The following TMEM132D variants were observed in gnomAD, a reference collection of about 807,000 sequenced individuals.
The protein encoded by TMEM132D is mature OL transmembrane protein.
A neutral mutation model predicts 62.3 loss-of-function variants in TMEM132D; 21 were observed. That is an observed-to-expected ratio of 0.34 (90% CI 0.24 to 0.49). The LOEUF is 0.49. Among genes scored for constraint, TMEM132D ranks in the 20% least tolerant of loss-of-function variants. The probability of loss-of-function intolerance (pLI) is 0.99; values close to 1 mark genes in which losing one functional copy is unlikely to be tolerated. For synonymous variants in TMEM132D, 621 were observed against 575.6 expected (o/e 1.08, Z -1.13); for missense variants, 1,346 against 1,402.8 (o/e 0.96, Z 0.65).
intron 1 of TMEM132D, among the ~76,000 whole-genome samples, chr12:129,825,154 C>G (rs570204846): frequency 6.6e-6 from 1 of 151,862 alleles, no homozygotes. Context: ...GCTGGGATTA[C>G]AGGCACAGGC....
At chr12:129,301,470 C>T (rs1881712428) in intron 4 of TMEM132D, among the ~76,000 whole-genome samples, 1 of 152,054 alleles carries the variant, frequency 6.6e-6, no homozygotes, top group African/African-American at 2.4e-5. Flanking sequence ...CACCTAGGAA[C>T]TTTAAATGTC....
intron 3 of TMEM132D, 46 bp from the exon 4 acceptor site, chr12:129,337,863 G>T: frequency 6.5e-7 from 1 of 1,538,406 alleles, no homozygotes; most frequent in Non-Finnish European, 8.7e-7. Context: ...GACTGATGAG[G>T]TATGGCACGC....
intron 1 of TMEM132D, among the ~76,000 whole-genome samples, chr12:129,861,253 G>A (rs534889851): frequency 6.6e-6 from 1 of 152,330 alleles, no homozygotes; most frequent in East Asian, 1.9e-4. Flanking sequence ...CATAGAGGAT[G>A]TGATCTAACC....
At chr12:129,283,556 A>G (rs1881216693) in intron 4 of TMEM132D, among the ~76,000 whole-genome samples, 1 of 152,174 alleles carries the variant, frequency 6.6e-6, no homozygotes, top group Admixed American at 6.5e-5. Context: ...AAATATAAAA[A>G]CATATCTCTA....
intron 5 of TMEM132D, among the ~76,000 whole-genome samples, chr12:129,133,720 T>C (rs1365373901): frequency 6.6e-6 from 1 of 152,254 alleles, no homozygotes; most frequent in Non-Finnish European, 1.5e-5. Flanking sequence ...GAATTTGGTG[T>C]GTGGTGGGCC....
chr12:129,577,933 G>T (rs1877722152), intron 2 of TMEM132D, among the ~76,000 whole-genome samples: 1 of 152,208 alleles, frequency 6.6e-6, no homozygotes, highest in Admixed American at 6.5e-5. Flanking sequence ...AAGCTGGAGA[G>T]ATTAGCATTT....
intron 2 of TMEM132D, among the ~76,000 whole-genome samples, chr12:129,674,018 T>C (rs530964844): frequency 5.9e-5 from 9 of 152,304 alleles, no homozygotes; most frequent in African/African-American, 2.2e-4. Context: ...AGTTTGCAGA[T>C]GACACATGAA....
intron 1 of TMEM132D, among the ~76,000 whole-genome samples, chr12:129,882,681 T>C (rs996620542): frequency 1.3e-5 from 2 of 152,214 alleles, no homozygotes; most frequent in African/African-American, 2.4e-5. Flanking sequence ...CTATACATTA[T>C]ATGTACTGAA....
At chr12:129,728,443 ATTCT>A (rs1869112525) in intron 1 of TMEM132D, among the ~76,000 whole-genome samples, 1 of 152,138 alleles carries the variant, frequency 6.6e-6, no homozygotes, top group South Asian at 2.1e-4. Context: ...TTGCCTGGAA[ATTCT>A]TTCTTCTAGA....
At chr12:129,459,372 C>T (rs972219928) in intron 3 of TMEM132D, among the ~76,000 whole-genome samples, 3 of 152,182 alleles carry the variant, frequency 2.0e-5, no homozygotes, top group Non-Finnish European at 4.4e-5. Flanking sequence ...ACTGATCTCT[C>T]CAACGTTTAT....
At position 129,663,522 on chromosome 12, in the gene TMEM132D, T is replaced by C. The variant is rs565290282; in HGVS notation, c.968+36288A>G. ...TCACTAAGACTTCACCAGGACATAT[T>C]GAATCATGCAGTCAACCCTAGCCAC... On this transcript the variant is annotated intron_variant, in intron 2 of 8. Coordinates refer to ENST00000422113, the MANE Select transcript of TMEM132D (RefSeq NM_133448.3). Among the ~76,000 whole-genome samples, 8 of 152,316 alleles carry C rather than the reference T, an allele frequency of 5.3e-5. No individual in the cohort carries two copies. The South Asian group carries it at 1.7e-3, about 32-fold the overall frequency.
At chr12:129,376,791 G>A (rs901465930) in intron 3 of TMEM132D, among the ~76,000 whole-genome samples, 4 of 152,212 alleles carry the variant, frequency 2.6e-5, no homozygotes, top group African/African-American at 7.2e-5. Context: ...GCAAACGTAA[G>A]TGAAACTTAA....
chr12:129,873,088 A>G (rs1010295566), intron 1 of TMEM132D, among the ~76,000 whole-genome samples: 1 of 152,196 alleles, frequency 6.6e-6, no homozygotes, highest in Non-Finnish European at 1.5e-5. Context: ...ACCCATTACA[A>G]AAAGAAAGGT....
At chr12:129,654,499 CT>C (rs756784569) in intron 2 of TMEM132D, among the ~76,000 whole-genome samples, 9 of 152,162 alleles carry the variant, frequency 5.9e-5, no homozygotes, top group Non-Finnish European at 1.2e-4. Context: ...TTCTTCCCCC[CT>C]AATAACCAAT....
At chr12:129,875,601 C>G (rs35436780) in intron 1 of TMEM132D, among the ~76,000 whole-genome samples, 1 of 152,054 alleles carries the variant, frequency 6.6e-6, no homozygotes, top group Non-Finnish European at 1.5e-5. Context: ...GCAGGCATGG[C>G]GGGGAAGAGA....
rs2135605970 is a variant in TMEM132D at position 129,277,121 on chromosome 12, A to C, written c.1299+60513T>G. ...GCTTAATAATATAAAGGTGAATTTC[A>C]GGGCCTTAGAACATGGGTGTGGGTG... On this transcript the variant is annotated intron_variant, in intron 4 of 8. Coordinates refer to ENST00000422113, the MANE Select transcript of TMEM132D (RefSeq NM_133448.3). The surrounding 1 kb of genome is among the most constrained non-coding windows in gnomAD (Gnocchi z 4.2). Among the ~76,000 whole-genome samples, 1 of 152,346 alleles carries C rather than the reference A, an allele frequency of 6.6e-6. No individual in the cohort carries two copies.
chr12:129,632,602 T>A (rs1425211602), intron 2 of TMEM132D, among the ~76,000 whole-genome samples: 1 of 152,212 alleles, frequency 6.6e-6, no homozygotes, highest in Non-Finnish European at 1.5e-5. Flanking sequence ...GACATGGCTG[T>A]CCGCTCTGAG....
intron 3 of TMEM132D, among the ~76,000 whole-genome samples, chr12:129,414,795 C>G (rs1377529540): frequency 1.3e-5 from 2 of 152,206 alleles, no homozygotes; most frequent in Non-Finnish European, 2.9e-5. Context: ...CTTTGACGAG[C>G]ATCTCCTTGT....
intron 3 of TMEM132D, among the ~76,000 whole-genome samples, chr12:129,383,552 T>C (rs1185624476): frequency 6.6e-6 from 1 of 152,108 alleles, no homozygotes; most frequent in East Asian, 1.9e-4. Context: ...TGGGTTCTGG[T>C]GATTCTCCTG....
Sources: gnomAD v4.1 joint callset for allele counts (sites outside exome capture counted in the v4.1 genomes callset) on GRCh38, gnomAD v4.1.1 for gene constraint, Gnocchi (gnomAD v3.1) non-coding constraint, MANE v1.5 for transcripts, NCBI Gene and HGNC (gene_info 2026-07-23, HGNC 2026-07-21) for gene names.